The following NWD2 variants were observed in gnomAD, a reference collection of about 807,000 sequenced individuals.
NWD2 encodes the protein NACHT and WD repeat domain-containing protein 2.
Under a neutral mutation model 132.7 loss-of-function variants are expected in NWD2, and 37 were observed. The observed-to-expected ratio is 0.28, with a 90% confidence interval of 0.21 to 0.37. NWD2 has a LOEUF of 0.37. Among genes scored for constraint, NWD2 ranks in the 10% least tolerant of loss-of-function variants. The pLI is 1.00. For missense variants in NWD2, 1,592 were observed against 2,122.4 expected (o/e 0.75, Z 4.91); for synonymous variants, 705 against 803.0 (o/e 0.88, Z 2.06).
At chr4:37,366,892 A>G (rs1720110632) in intron 3 of NWD2, among the ~76,000 whole-genome samples, 1 of 152,210 alleles carries the variant, frequency 6.6e-6, no homozygotes, top group African/African-American at 2.4e-5. Context: ...AATTGGAGAT[A>G]TTTACAAACA....
intron 2 of NWD2, among the ~76,000 whole-genome samples, chr4:37,338,065 G>A (rs887180634): frequency 1.3e-5 from 2 of 152,128 alleles, no homozygotes; most frequent in Non-Finnish European, 2.9e-5. Context: ...GATGTCTATG[G>A]AAATCTTTCT....
rs2109331127 is a variant in NWD2 at position 37,443,952 on chromosome 4, A to G, written c.1964A>G (p.Gln655Arg). 1 of 1,552,380 alleles carries G rather than the reference A, an allele frequency of 6.4e-7. No homozygotes were observed. The highest frequency in any genetic ancestry group is 8.7e-7 in the Non-Finnish European group (1 of 1,147,148). ...LFWSLEKKCG[Q>R]KLVSRALGYI... ...TGGTCCTTGGAGAAGAAGTGTGGTC[A>G]GAAACTGGTCTCTAGGGCTCTTGGT... Residue 655 changes from glutamine to arginine, a missense_variant, in exon 7 of 7, where the codon CAG becomes CGG. Physicochemically the swap from Gln to Arg is conservative, Grantham distance 43. Transcript: ENST00000309447. The surrounding 1 kb of genome is among the most constrained non-coding windows in gnomAD (Gnocchi z 4.1).
chr4:37,436,787 T>G (rs1712335571), intron 5 of NWD2, among the ~76,000 whole-genome samples: 1 of 152,176 alleles, frequency 6.6e-6, no homozygotes, highest in Non-Finnish European at 1.5e-5. Context: ...CTGTAGTAGC[T>G]CATGATGTCC....
At position 37,446,868 on chromosome 4, in the gene NWD2, G is replaced by A. The variant is rs759653379; in HGVS notation, c.4880G>A (p.Arg1627Lys). 6.4e-7 allele frequency: 1 copy of A among 1,551,780 alleles called. No homozygotes were observed. Among genetic ancestry groups the A allele is most frequent in the South Asian group, 1.2e-5 (1 of 84,058 alleles). Residue 1627 changes from arginine to lysine, a missense_variant, in exon 7 of 7, where the codon AGG (arginine) becomes AAG (lysine). Around this residue, in one of 7 missense-constraint regions of NWD2, gnomAD observed 257 missense variants for 335.0 expected, o/e 0.77. Coordinates refer to ENST00000309447, the MANE Select transcript of NWD2 (RefSeq NM_001144990.2). The surrounding 1 kb of genome is among the most constrained non-coding windows in gnomAD (Gnocchi z 6.7). ...CCAACTTTCCTTGCACTCTCCCAGAGGCACCTGAACATCATTGTGGGCTTT... is the reference window on the plus strand; with the variant it reads ...CCAACTTTCCTTGCACTCTCCCAGAAGCACCTGAACATCATTGTGGGCTTT... ...KTPTFLALSQ[R>K]HLNIIVGFDD... is the part of the protein sequence containing the mutation.
chr4:37,294,908 A>C (rs554527745), intron 1 of NWD2, among the ~76,000 whole-genome samples: 1 of 152,194 alleles, frequency 6.6e-6, no homozygotes, highest in Non-Finnish European at 1.5e-5. Context: ...CCCTTCTCCA[A>C]AGATGACTTC....
chr4:37,328,434 C>T (rs1306212039), intron 2 of NWD2, among the ~76,000 whole-genome samples: 4 of 151,962 alleles, frequency 2.6e-5, no homozygotes, highest in African/African-American at 9.7e-5. Flanking sequence ...GTGATGTTCC[C>T]CTCCCTGTGT....
At chr4:37,398,215 A>G (rs946366166) in intron 3 of NWD2, among the ~76,000 whole-genome samples, 4 of 152,204 alleles carry the variant, frequency 2.6e-5, no homozygotes, top group Admixed American at 2.6e-4. Flanking sequence ...TAAATAACTT[A>G]TCCAGGGTCA....
intron 1 of NWD2, among the ~76,000 whole-genome samples, chr4:37,249,162 G>A (rs983550888): frequency 1.3e-5 from 2 of 152,158 alleles, no homozygotes; most frequent in Non-Finnish European, 1.5e-5. Flanking sequence ...GACACATGTG[G>A]CTGTTGTATC....
chr4:37,281,303 CAA>C (rs1243892710), intron 1 of NWD2, among the ~76,000 whole-genome samples: 2 of 152,050 alleles, frequency 1.3e-5, no homozygotes, highest in African/African-American at 2.4e-5. Context: ...TTGAACCACG[CAA>C]AGTGTTCCTG....
chr4:37,293,676 A>G (rs1718413911), intron 1 of NWD2, among the ~76,000 whole-genome samples: 1 of 152,168 alleles, frequency 6.6e-6, no homozygotes, highest in South Asian at 2.1e-4. Context: ...GGTGGATGGC[A>G]TTTGTATTTA....
At chr4:37,326,458 C>T (rs979704202) in intron 2 of NWD2, among the ~76,000 whole-genome samples, 1 of 152,126 alleles carries the variant, frequency 6.6e-6, no homozygotes, top group Non-Finnish European at 1.5e-5. Context: ...TTTTTATTCA[C>T]ATTGTAGAAC....
rs989087365 is a variant in NWD2 at position 37,244,838 on chromosome 4, G to C, written c.-230G>C. The C allele has an allele frequency of 1.9e-6, 1 of 533,474 alleles. No individual in the cohort carries two copies. Among genetic ancestry groups the C allele is most frequent in the South Asian group, 2.4e-5 (1 of 42,106 alleles). 33.0% of individuals were successfully genotyped at this position (533,474 alleles called of 1,614,324 possible). On this transcript the variant is annotated 5_prime_UTR_variant, in exon 1 of 7. Coordinates refer to ENST00000309447, the MANE Select transcript of NWD2 (RefSeq NM_001144990.2). This position sits in a 1 kb window ranked among gnomAD's most constrained non-coding sequence, Gnocchi z 5.5. ...AGCAGCGGGCGAAGGCGGAGGCCCA[G>C]AAGGGCAGGAGACCGCCGCGACAGG...
chr4:37,300,873 C>T (rs1480174453), intron 1 of NWD2, among the ~76,000 whole-genome samples: 1 of 152,082 alleles, frequency 6.6e-6, no homozygotes, highest in Non-Finnish European at 1.5e-5. Context: ...TTTAACTCCA[C>T]AAATTAGACA....
chr4:37,419,155 T>C (rs1458673763), intron 3 of NWD2, among the ~76,000 whole-genome samples: 1 of 152,156 alleles, frequency 6.6e-6, no homozygotes, highest in Non-Finnish European at 1.5e-5. Flanking sequence ...GGATAAAATA[T>C]TCCCTATTTA....
intron 2 of NWD2, among the ~76,000 whole-genome samples, chr4:37,336,370 C>T (rs57049287): frequency 0.029 from 4,400 of 152,204 alleles, 212 homozygotes; most frequent in African/African-American, 0.099. Flanking sequence ...GTGTATTTTA[C>T]GCTCAGAGCA....
chr4:37,317,078 A>G (rs1326491418), intron 1 of NWD2, among the ~76,000 whole-genome samples: 3 of 152,290 alleles, frequency 2.0e-5, no homozygotes, highest in East Asian at 3.9e-4. Context: ...ATATTTGTCA[A>G]TGATTTTTCA....
intron 1 of NWD2, among the ~76,000 whole-genome samples, chr4:37,250,159 T>TACACACAC (rs59150547): frequency 6.2e-4 from 93 of 149,096 alleles, no homozygotes; most frequent in Non-Finnish European, 8.2e-4. Context: ...TGTGTGTGTA[T>TACACACAC]ACACACACAC....
At chr4:37,342,896 T>C (rs927251714) in intron 2 of NWD2, among the ~76,000 whole-genome samples, 2 of 152,184 alleles carry the variant, frequency 1.3e-5, no homozygotes, top group African/African-American at 4.8e-5. Context: ...AGTCAGTCCT[T>C]TCTGGGCTTA....
chr4:37,288,090 CGTAA>C (rs1718273573), intron 1 of NWD2, among the ~76,000 whole-genome samples: 3 of 152,060 alleles, frequency 2.0e-5, no homozygotes, highest in Non-Finnish European at 4.4e-5. Context: ...TGTTCTCACT[CGTAA>C]GTGAGAGTTG....
Sources: gnomAD v4.1 joint callset for allele counts (sites outside exome capture counted in the v4.1 genomes callset) on GRCh38, gnomAD v4.1.1 for gene constraint, gnomAD v4.1.1 regional missense constraint, Gnocchi (gnomAD v3.1) non-coding constraint, MANE v1.5 for transcripts, NCBI Gene and HGNC (gene_info 2026-07-23, HGNC 2026-07-21) for gene names.